The following CHD6 variants were observed in gnomAD, a reference collection of about 807,000 sequenced individuals.
The protein encoded by CHD6 is ATP-dependent chromatin remodeler CHD6.
In CHD6, 50 loss-of-function variants were observed where a neutral mutation model predicts 276.9. That is an observed-to-expected ratio of 0.18 (90% CI 0.14 to 0.23). The LOEUF is 0.23. Among genes scored for constraint, CHD6 ranks in the 10% least tolerant of loss-of-function variants. CHD6 has a pLI of 1.00. For missense variants in CHD6, 2,564 were observed against 3,365.8 expected, an observed-to-expected ratio of 0.76 and a Z score of 5.89; for synonymous variants, 1,173 against 1,229.3, an observed-to-expected ratio of 0.95 and a Z score of 0.96.
At chr20:41,521,920 T>C (rs1051245416) in intron 3 of CHD6, among the ~76,000 whole-genome samples, 2 of 152,210 alleles carry the variant, frequency 1.3e-5, no homozygotes, top group Non-Finnish European at 2.9e-5. Flanking sequence ...AGTAAAGAAT[T>C]ATAAGTCACT....
intron 5 of CHD6, among the ~76,000 whole-genome samples, chr20:41,512,073 T>G (rs1448650207): frequency 6.6e-6 from 1 of 152,136 alleles, no homozygotes; most frequent in Non-Finnish European, 1.5e-5. Context: ...GTTCAAGTGA[T>G]TCTTGTGCCT....
Position 41,583,793 on chromosome 20 carries a change from T to A in CHD6, c.-23-32433A>T, listed in dbSNP as rs1486291937. ...ATACTGTATTGTTAGGATCTCATACTATATGAGAAGTAGTATAATATGGGA... is the reference window on the plus strand; with the variant it reads ...ATACTGTATTGTTAGGATCTCATACAATATGAGAAGTAGTATAATATGGGA... On this transcript the variant is annotated intron_variant, in intron 1 of 36. Transcript: ENST00000373233. Among the ~76,000 whole-genome samples, 3 of 152,320 alleles carry A rather than the reference T, an allele frequency of 2.0e-5. No individual in the cohort carries two copies. In the East Asian group the frequency reaches 5.8e-4, roughly 29 times the overall value.
At chr20:41,612,273 C>G (rs2045894610) in intron 1 of CHD6, among the ~76,000 whole-genome samples, 1 of 152,172 alleles carries the variant, frequency 6.6e-6, no homozygotes, top group Non-Finnish European at 1.5e-5. Context: ...TTCACAAGAG[C>G]TTATTTTTTT....
At chr20:41,555,213 G>T (rs2045209458) in intron 1 of CHD6, among the ~76,000 whole-genome samples, 1 of 134,902 alleles carries the variant, frequency 7.4e-6, no homozygotes, top group Admixed American at 7.3e-5. Flanking sequence ...CTCCCGGATG[G>T]GGCGGCTGGC....
chr20:41,496,985 T>A (rs2043702232), intron 8 of CHD6: 1 of 175,438 alleles, frequency 5.7e-6, no homozygotes, highest in African/African-American at 2.4e-5. Context: ...TAAATAAAAT[T>A]ATTTATTTGT....
At chr20:41,507,785 A>G (rs2044012656) in intron 5 of CHD6, among the ~76,000 whole-genome samples, 1 of 152,160 alleles carries the variant, frequency 6.6e-6, no homozygotes, top group Non-Finnish European at 1.5e-5. Flanking sequence ...TTAATATTTT[A>G]TCCTTAGGGA....
chr20:41,437,361 C>G, intron 26 of CHD6, 27 bp from the exon 27 acceptor site: 2 of 1,556,182 alleles, frequency 1.3e-6, no homozygotes, highest in Non-Finnish European at 1.8e-6. Flanking sequence ...AAAGGCATCA[C>G]ATACTACCTA....
At chr20:41,430,935 C>T (rs1036267497) in intron 27 of CHD6, among the ~76,000 whole-genome samples, 1 of 148,794 alleles carries the variant, frequency 6.7e-6, no homozygotes, top group African/African-American at 2.5e-5. Flanking sequence ...TCTTGGCTCA[C>T]TGCAACCTCT....
At chr20:41,407,042 A>T (rs2046698984) in intron 36 of CHD6, among the ~76,000 whole-genome samples, 1 of 152,180 alleles carries the variant, frequency 6.6e-6, no homozygotes, top group Admixed American at 6.5e-5. Context: ...GGATCTTGTC[A>T]CACTGGATTC....
Position 41,580,261 on chromosome 20 carries a change from G to A in CHD6, c.-23-28901C>T, listed in dbSNP as rs78420563. Among the ~76,000 whole-genome samples the A allele has an allele frequency of 4.5e-3, 691 of 152,076 alleles. 16 individuals are homozygous for A. In the East Asian group the frequency reaches 0.079, roughly 17 times the overall value. On this transcript the variant is annotated intron_variant, in intron 1 of 36. Transcript: ENST00000373233. Reference sequence around the variant, plus strand: ...CTGTCCTTTGTATCCTTTCTTGTTGGGTAAAGAAAATAGTGAATCCAAAAT... The same window carrying A: ...CTGTCCTTTGTATCCTTTCTTGTTGAGTAAAGAAAATAGTGAATCCAAAAT...
In CHD6 at chr20:41,457,439, G is replaced by A. The variant is rs763368919; in HGVS notation, c.2665-11C>T. 1.2e-6 allele frequency: 2 copies of A among 1,606,280 alleles called. No individual in the cohort carries two copies. Among genetic ancestry groups the A allele is most frequent in the South Asian group, 1.1e-5 (1 of 90,812 alleles). Reference sequence around the variant, plus strand: ...ACATCGGGCCTGAGCCTGGGAAGAAGAAGAGTCATATGCATCACGTCACCG... The same window carrying A: ...ACATCGGGCCTGAGCCTGGGAAGAAAAAGAGTCATATGCATCACGTCACCG... On this transcript the variant is annotated splice_polypyrimidine_tract_variant and intron_variant, in intron 17 of 36. Coordinates refer to ENST00000373233, the MANE Select transcript of CHD6 (RefSeq NM_032221.5).
chr20:41,554,617 A>G (rs533870100), intron 1 of CHD6, among the ~76,000 whole-genome samples: 1 of 151,306 alleles, frequency 6.6e-6, no homozygotes, highest in South Asian at 2.1e-4. Context: ...GCCTTCAAGC[A>G]TCTGTTTAAC....
intron 1 of CHD6, among the ~76,000 whole-genome samples, chr20:41,579,085 G>A (rs1365517339): frequency 3.2e-5 from 4 of 125,552 alleles, no homozygotes; most frequent in African/African-American, 9.5e-5. Context: ...AGCCAAGATT[G>A]TACCACTGCA....
At chr20:41,613,108 C>A (rs996722609) in intron 1 of CHD6, among the ~76,000 whole-genome samples, 1 of 151,958 alleles carries the variant, frequency 6.6e-6, no homozygotes, top group African/African-American at 2.4e-5. Context: ...AAATTTTTAG[C>A]AGTCTAAAAA....
intron 31 of CHD6, among the ~76,000 whole-genome samples, chr20:41,418,696 A>G (rs2047083275): frequency 6.6e-6 from 1 of 152,104 alleles, no homozygotes; most frequent in African/African-American, 2.4e-5. Context: ...CTGCTCCTTC[A>G]GGACTGTAGA....
chr20:41,453,903 A>T (rs2048314887), intron 20 of CHD6, among the ~76,000 whole-genome samples: 1 of 152,192 alleles, frequency 6.6e-6, no homozygotes, highest in Non-Finnish European at 1.5e-5. Flanking sequence ...AGCTAGCTAC[A>T]AGCAGGGACT....
At chr20:41,498,262 C>T (rs2043736787) in intron 6 of CHD6, 36 bp from the exon 7 acceptor site, 1 of 1,519,086 alleles carries the variant, frequency 6.6e-7, no homozygotes, top group South Asian at 1.2e-5. Context: ...AGCCCAGATC[C>T]CAGGCAGATC....
intron 2 of CHD6, among the ~76,000 whole-genome samples, chr20:41,543,510 C>T (rs1018720364): frequency 6.6e-6 from 1 of 152,224 alleles, no homozygotes; most frequent in Non-Finnish European, 1.5e-5. Flanking sequence ...AACTTTTCCT[C>T]TTCTATCCAT....
intron 3 of CHD6, among the ~76,000 whole-genome samples, chr20:41,531,934 T>C (rs903508171): frequency 6.6e-6 from 1 of 152,196 alleles, no homozygotes; most frequent in Non-Finnish European, 1.5e-5. Context: ...TTTTTATGAG[T>C]GCTCTTGGTC....
Sources: gnomAD v4.1 joint callset for allele counts (sites outside exome capture counted in the v4.1 genomes callset) on GRCh38, gnomAD v4.1.1 for gene constraint, MANE v1.5 for transcripts, NCBI Gene and HGNC (gene_info 2026-07-23, HGNC 2026-07-21) for gene names.